METTL25: variants seen among roughly 807,000 people sequenced by gnomAD.
METTL25 encodes methyltransferase like 25, also known as probable methyltransferase-like protein 25.
METTL25 carries 64 observed loss-of-function variants against 71.6 expected under a neutral mutation model. That is an observed-to-expected ratio of 0.89 (90% confidence interval 0.73 to 1.10). The LOEUF (loss-of-function observed/expected upper bound fraction) is 1.10. METTL25 is among the 50% of genes least tolerant of loss of function. METTL25 has a pLI of 0.00. For synonymous variants in METTL25, 287 were observed against 250.3 expected (o/e 1.15, Z -1.38); for missense variants, 807 against 707.0 (o/e 1.14, Z -1.60).
chr12:82,470,765 G>T (rs771057714), intron 9 of METTL25, among the ~76,000 whole-genome samples: 6 of 152,076 alleles, frequency 3.9e-5, no homozygotes, highest in Admixed American at 2.0e-4. Context: ...CATATCTAAT[G>T]AATTATGGTG....
intron 3 of METTL25, among the ~76,000 whole-genome samples, chr12:82,394,378 A>G (rs1045605085): frequency 2.0e-5 from 3 of 152,058 alleles, no homozygotes; most frequent in Admixed American, 6.6e-5. Flanking sequence ...TCTGAAATAC[A>G]TAACCTTATT....
chr12:82,370,120 G>A (rs1050270384), intron 1 of METTL25, among the ~76,000 whole-genome samples: 12 of 152,172 alleles, frequency 7.9e-5, no homozygotes, highest in African/African-American at 2.9e-4. Context: ...ATTCCTGCTG[G>A]ATAGGGGTGA....
chr12:82,407,246 G>A (rs1887173437), intron 5 of METTL25, among the ~76,000 whole-genome samples: 1 of 152,086 alleles, frequency 6.6e-6, no homozygotes, highest in African/African-American at 2.4e-5. Context: ...CACTAGAAAT[G>A]GAAGCCTCTC....
rs149923424 is a variant in METTL25 at position 82,442,425 on chromosome 12, A to T, written c.1478+3634A>T. ...ACAAAAAGTATTGTGGATACACACA[A>T]CAACCTGAGTGAATCTCCAGAGAAT... On this transcript the variant is annotated intron_variant, in intron 8 of 11. Coordinates refer to ENST00000248306, the MANE Select transcript of METTL25 (RefSeq NM_032230.3). 2.7e-3 allele frequency among the ~76,000 whole-genome samples: 408 copies of T among 152,318 alleles called. 1 individual carries two copies. Among genetic ancestry groups the T allele is most frequent in the African/African-American group, 9.5e-3 (397 of 41,594 alleles).
chr12:82,374,163 T>A (rs1883567978), intron 1 of METTL25: 1 of 164,710 alleles, frequency 6.1e-6, no homozygotes, highest in Non-Finnish European at 1.3e-5. Flanking sequence ...GGGTTCGTCT[T>A]GCTGACTTCA....
intron 8 of METTL25, among the ~76,000 whole-genome samples, chr12:82,446,895 G>T (rs1890791914): frequency 6.6e-6 from 1 of 152,098 alleles, no homozygotes; most frequent in Non-Finnish European, 1.5e-5. Flanking sequence ...GGGATTACAG[G>T]CATGTGCCAC....
chr12:82,434,577 C>T (rs1889771081), intron 6 of METTL25, 118 bp from the exon 7 acceptor site: 2 of 789,504 alleles, frequency 2.5e-6, no homozygotes, highest in Non-Finnish European at 4.3e-6. Context: ...CATAAACTTA[C>T]ATATTATCAC....
At chr12:82,403,798 A>G (rs1338471557) in intron 5 of METTL25, among the ~76,000 whole-genome samples, 2 of 152,162 alleles carry the variant, frequency 1.3e-5, no homozygotes, top group Non-Finnish European at 2.9e-5. Context: ...GATATTGTAA[A>G]ATATGATTTC....
Position 82,358,641 on chromosome 12 carries a change from T to C in METTL25, c.76T>C (p.Phe26Leu). ...TGCCAAGTTGCAGGGACTGCTGCAGTTCCTGAGGGATGCCCTGTCCATTTC... is the reference window on the plus strand; with the variant it reads ...TGCCAAGTTGCAGGGACTGCTGCAGCTCCTGAGGGATGCCCTGTCCATTTC... ...LRAKLQGLLQ[F>L]LRDALSISNA... Residue 26 changes from phenylalanine (F) to leucine (L), a missense_variant, in exon 1 of 12, where the codon TTC (phenylalanine) becomes CTC (leucine). By Grantham distance (22) the Phe-to-Leu change is conservative. Coordinates refer to ENST00000248306, the MANE Select transcript of METTL25 (RefSeq NM_032230.3). 1 of 1,614,066 alleles carries C rather than the reference T, an allele frequency of 6.2e-7. No homozygotes were observed. The highest frequency in any genetic ancestry group is 1.1e-5 in the South Asian group (1 of 91,082).
At chr12:82,436,736 T>A (rs985698451) in intron 7 of METTL25, among the ~76,000 whole-genome samples, 2 of 151,616 alleles carry the variant, frequency 1.3e-5, no homozygotes, top group Non-Finnish European at 3.0e-5. Flanking sequence ...ACATATTTAT[T>A]TCAAAGTTAT....
chr12:82,400,842 T>C lies in METTL25; in HGVS notation c.1131+1448T>C, dbSNP rs1006232608. ...AATATGGTGACTACATATTTTTGTCTCCTAGCTGCTACTTGCTAATATTAA... is the reference window on the plus strand; with the variant it reads ...AATATGGTGACTACATATTTTTGTCCCCTAGCTGCTACTTGCTAATATTAA... On this transcript the variant is annotated intron_variant, in intron 4 of 11. Transcript: ENST00000248306. 4.1e-4 allele frequency among the ~76,000 whole-genome samples: 62 copies of C among 152,118 alleles called. 1 individual carries two copies. The highest frequency in any genetic ancestry group is 8.2e-4 in the Non-Finnish European group (56 of 67,982).
At chr12:82,380,396 A>G (rs1239389047) in intron 1 of METTL25, among the ~76,000 whole-genome samples, 2 of 150,886 alleles carry the variant, frequency 1.3e-5, no homozygotes, top group African/African-American at 2.4e-5. Flanking sequence ...AAACCTGCAC[A>G]TGCATCCCGA....
chr12:82,372,282 T>C (rs2136865303), intron 1 of METTL25, among the ~76,000 whole-genome samples: 1 of 152,250 alleles, frequency 6.6e-6, no homozygotes, highest in South Asian at 2.1e-4. Context: ...CCCTTCCCCC[T>C]ACAGCTTGAA....
At chr12:82,471,379 C>G (rs1358286590) in intron 9 of METTL25, among the ~76,000 whole-genome samples, 1 of 152,138 alleles carries the variant, frequency 6.6e-6, no homozygotes, top group East Asian at 1.9e-4. Context: ...TGGCACCTGC[C>G]CTATTCTCTA....
intron 3 of METTL25, among the ~76,000 whole-genome samples, chr12:82,397,293 A>T (rs7977443): frequency 0.92 from 139,860 of 151,774 alleles, 64,782 homozygotes; most frequent in East Asian, 1. Flanking sequence ...TTTTGGGAAG[A>T]GTACGTTTGA....
At chr12:82,425,807 G>C (rs985952563) in intron 5 of METTL25, among the ~76,000 whole-genome samples, 1 of 152,002 alleles carries the variant, frequency 6.6e-6, no homozygotes, top group African/African-American at 2.4e-5. Flanking sequence ...ATGGAAAATG[G>C]TTCTAAAGTT....
intron 8 of METTL25, among the ~76,000 whole-genome samples, chr12:82,443,819 AACTC>A (rs71068930): frequency 0.91 from 138,070 of 151,814 alleles, 63,360 homozygotes; most frequent in East Asian, 1. Flanking sequence ...ATAGAGCAAG[AACTC>A]ACTCACTGTC....
intron 1 of METTL25, among the ~76,000 whole-genome samples, chr12:82,384,097 A>G (rs1463583361): frequency 6.6e-6 from 1 of 152,202 alleles, no homozygotes; most frequent in Non-Finnish European, 1.5e-5. Context: ...GACTTCCAGT[A>G]GAGGGAGATG....
Position 82,399,368 on chromosome 12 carries a change from C to T in METTL25, c.1105C>T (p.Leu369Phe). 2 of 1,581,514 alleles carry T rather than the reference C, an allele frequency of 1.3e-6. No homozygotes were observed. Among genetic ancestry groups the T allele is most frequent in the Non-Finnish European group, 1.7e-6 (2 of 1,168,512 alleles). The change falls in exon 4 of 12, where the codon CTC becomes TTC. Residue 369 changes from leucine to phenylalanine, a missense_variant. Coordinates refer to ENST00000248306, the MANE Select transcript of METTL25 (RefSeq NM_032230.3). ...CTCTTTTATCACTGCTGATTCAGAACTCCATGACATTATTAAAGATTTGGA... is the reference window on the plus strand; with the variant it reads ...CTCTTTTATCACTGCTGATTCAGAATTCCATGACATTATTAAAGATTTGGA... ...LTSFITADSE[L>F]HDIIKDLEDC...
Sources: gnomAD v4.1 joint callset for allele counts (sites outside exome capture counted in the v4.1 genomes callset) on GRCh38, gnomAD v4.1.1 for gene constraint, MANE v1.5 for transcripts, NCBI Gene and HGNC (gene_info 2026-07-23, HGNC 2026-07-21) for gene names.